The following FGD1 variants were observed in gnomAD, a reference collection of about 807,000 sequenced individuals.
FGD1 encodes the protein FYVE, RhoGEF and PH domain containing 1.
Under a neutral mutation model 65.0 loss-of-function variants are expected in FGD1, and 12 were observed. The observed-to-expected ratio is 0.18, with a 90% CI of 0.12 to 0.30. The LOEUF is 0.30. FGD1 is among the 10% of genes least tolerant of loss of function. The pLI is 1.00. For synonymous variants in FGD1, 333 were observed against 343.9 expected, an observed-to-expected ratio of 0.97 and a Z score of 0.35; for missense variants, 542 against 837.6, an observed-to-expected ratio of 0.65 and a Z score of 4.36.
In FGD1 at chrX:54,447,564, C is replaced by T. The variant is rs556768026; in HGVS notation, c.2437-110G>A. ...CTGCTATTCCTATCTCAGATGAAGA[C>T]GCTCAAGCTCAGGTGGCAGGAGTGA... On this transcript the variant is annotated intron_variant, in intron 16 of 17. Transcript: ENST00000375135. 28 of 831,375 alleles carry T rather than the reference C, an allele frequency of 3.4e-5. No homozygotes were observed. In the South Asian group the frequency reaches 4.0e-4, roughly 12 times the overall value. The allele number at this position is 831,375 out of a possible 1,213,427, so 68.5% of individuals were successfully genotyped here. A position where few individuals can be genotyped will look rare whatever the true frequency, so the allele number is the denominator to read the frequency against.
In FGD1 at chrX:54,446,208, G is replaced by A. The variant is rs370329532; in HGVS notation, c.2787C>T (p.Pro929=). 15 of 1,210,231 alleles carry A rather than the reference G, an allele frequency of 1.2e-5. No individual in the cohort carries two copies. The highest frequency in any genetic ancestry group is 1.6e-5 in the Non-Finnish European group (14 of 895,107). ...CCATCTCCCTGTCCTCAGACAGTGT[G>A]GGCCCCGGGCAGAACGTGTCCCCTC... ...AGRGDTFCPG[P]TLSEDREMEE... The change falls in exon 18 of 18, where the codon CCC becomes CCT. Residue 929 remains proline, a synonymous_variant. Transcript: ENST00000375135.
chrX:54,492,306 AC>A (rs1342002957), intron 1 of FGD1, among the ~76,000 whole-genome samples: 1 of 110,606 alleles, frequency 9.0e-6, no homozygotes, highest in African/African-American at 3.3e-5. Flanking sequence ...GCCTCCCCCC[AC>A]CCCCAGGATG....
chrX:54,477,091 G>A (rs7883123), intron 1 of FGD1, among the ~76,000 whole-genome samples: 17,874 of 112,109 alleles, frequency 0.16, 2,254 homozygotes, highest in African/African-American at 0.44. Context: ...CACCGTGCTC[G>A]GCACAACTGC....
intron 16 of FGD1, 93 bp from the exon 17 acceptor site, chrX:54,447,547 C>A: frequency 1.0e-6 from 1 of 953,349 alleles, no homozygotes; most frequent in South Asian, 2.1e-5. Flanking sequence ...GACTGCTATT[C>A]CTATCTCAGA....
At chrX:54,489,851 T>C (rs1023532227) in intron 1 of FGD1, among the ~76,000 whole-genome samples, 2 of 111,990 alleles carry the variant, frequency 1.8e-5, no homozygotes, top group African/African-American at 6.5e-5. Context: ...CAAAGAAGTA[T>C]AAATCGTTCT....
intron 12 of FGD1, among the ~76,000 whole-genome samples, 183 bp downstream of exon 12, chrX:54,455,265 C>A (rs1481125204): frequency 8.9e-6 from 1 of 112,352 alleles, no homozygotes; most frequent in Non-Finnish European, 1.9e-5. Flanking sequence ...GTGAAGTACT[C>A]ACCCTGAATC....
chrX:54,495,441 C>T lies in FGD1; in HGVS notation c.-9G>A. ...GCTCGGTGGCCATGCATGGTCCGGG[C>T]CTGGGCGCGGGGCCCGAGCTCCCCG... On this transcript the variant is annotated 5_prime_UTR_variant, in exon 1 of 18. Transcript: ENST00000375135. The T allele has an allele frequency of 1.0e-6, 1 of 979,718 alleles. No individual in the cohort carries two copies. Among genetic ancestry groups the T allele is most frequent in the Non-Finnish European group, 1.3e-6 (1 of 784,271 alleles). 80.7% of individuals were successfully genotyped at this position (979,718 alleles called of 1,213,427 possible). A position where few individuals can be genotyped will look rare whatever the true frequency, so the allele number is the denominator to read the frequency against.
rs778662629 is a variant in FGD1, at chrX:54,471,378, G to A, written c.417C>T (p.Pro139=). Residue 139 remains proline (P), a synonymous_variant, in exon 2 of 18, where the codon CCC becomes CCT. Transcript: ENST00000375135. ...GACGCTGGCTAGGGGTTTCAGTCGG[G>A]GGACCTGGGTCTGAGCGAAGCCGCT... ...GPQRLRSDPG[P]PTETPSQRPS... The A allele has an allele frequency of 1.2e-5, 14 of 1,209,918 alleles. No individual in the cohort carries two copies. The South Asian group carries it at 1.8e-4, about 15-fold the overall frequency.
chrX:54,462,010 G>C (rs1047072815), intron 8 of FGD1, among the ~76,000 whole-genome samples: 3 of 111,071 alleles, frequency 2.7e-5, no homozygotes, highest in Non-Finnish European at 5.7e-5. Flanking sequence ...GAGTATTCCA[G>C]GTGGGAAGAG....
Position 54,482,236 on chromosome X carries a change from G to GTGCACACACACACACACACACA in FGD1, c.308-10750_308-10749insTGTGTGTGTGTGTGTGTGTGCA, listed in dbSNP as rs1923161995. ...CAGGCACATGCGCGCGCACACGCGC[G>GTGCACACACACACACACACACA]CACACACACACACACACACACACAC... On this transcript the variant is annotated intron_variant, in intron 1 of 17. Transcript: ENST00000375135. 3.0e-5 allele frequency among the ~76,000 whole-genome samples: 3 copies of GTGCACACACACACACACACACA among 99,367 alleles called. No individual in the cohort carries two copies. In the Admixed American group the frequency reaches 3.2e-4, roughly 11 times the overall value. The allele number at this position is 99,367 out of a possible 115,157, so 86.3% of individuals were successfully genotyped here. A position where few individuals can be genotyped will look rare whatever the true frequency, so the allele number is the denominator to read the frequency against.
At chrX:54,467,724 G>T (rs1337596145) in intron 6 of FGD1, 60 bp downstream of exon 6, 6 of 1,113,978 alleles carry the variant, frequency 5.4e-6, no homozygotes, top group Non-Finnish European at 7.3e-6. Flanking sequence ...ACACCTCTGG[G>T]TCTGGGCTCG....
chrX:54,466,935 G>C (rs1247831853), intron 6 of FGD1, among the ~76,000 whole-genome samples: 1 of 109,759 alleles, frequency 9.1e-6, no homozygotes, highest in Non-Finnish European at 1.9e-5. Flanking sequence ...ATTTTTAGTA[G>C]AGACGGGATT....
At chrX:54,455,284 G>A (rs955779841) in intron 12 of FGD1, among the ~76,000 whole-genome samples, 164 bp downstream of exon 12, 2 of 112,300 alleles carry the variant, frequency 1.8e-5, no homozygotes, top group African/African-American at 6.5e-5. Flanking sequence ...TCTAAATGGT[G>A]TCTAACCCTT....
chrX:54,482,408 C>A (rs927703005), intron 1 of FGD1, among the ~76,000 whole-genome samples: 1 of 112,059 alleles, frequency 8.9e-6, no homozygotes, highest in Admixed American at 9.4e-5. Flanking sequence ...CCACCCCCGC[C>A]CATCTCCCTC....
chrX:54,447,267 C>T (rs1413125420), intron 17 of FGD1, 44 bp downstream of exon 17: 2 of 1,203,255 alleles, frequency 1.7e-6, no homozygotes, highest in South Asian at 1.8e-5. Flanking sequence ...CTGGATCTGG[C>T]TTTGCCAGGT....
rs944679214 is a variant in FGD1 at position 54,454,219 on chromosome X, C to T, written c.2015+1229G>A. Among the ~76,000 whole-genome samples the T allele has an allele frequency of 3.6e-5, 4 of 111,845 alleles. No individual in the cohort carries two copies. In the East Asian group the frequency reaches 1.1e-3, roughly 31 times the overall value. On this transcript the variant is annotated intron_variant, in intron 12 of 17. Transcript: ENST00000375135. Reference sequence around the variant, plus strand: ...CTAGTACACTAGATGGTCTAGCCTACGACACACCTAGGCTATAAGGTACAG... The same window carrying T: ...CTAGTACACTAGATGGTCTAGCCTATGACACACCTAGGCTATAAGGTACAG...
intron 1 of FGD1, among the ~76,000 whole-genome samples, chrX:54,482,388 G>A (rs1474248070): frequency 1.8e-5 from 2 of 112,020 alleles, no homozygotes; most frequent in Non-Finnish European, 3.8e-5. Context: ...GAGGATAGGG[G>A]GCGGTAGCTC....
chrX:54,492,558 CT>C (rs1229455145), intron 1 of FGD1, among the ~76,000 whole-genome samples: 4 of 112,336 alleles, frequency 3.6e-5, no homozygotes, highest in African/African-American at 1.3e-4. Flanking sequence ...GTGCCTACCC[CT>C]GGGCCGGCTG....
At chrX:54,473,988 A>AT (rs1346104345) in intron 1 of FGD1, among the ~76,000 whole-genome samples, 213 of 107,234 alleles carry the variant, frequency 2.0e-3, no homozygotes, top group Non-Finnish European at 3.2e-3. Context: ...TCAAAAAAAA[A>AT]ATATATATAT....
Sources: gnomAD v4.1 joint callset for allele counts (sites outside exome capture counted in the v4.1 genomes callset) on GRCh38, gnomAD v4.1.1 for gene constraint, MANE v1.5 for transcripts, NCBI Gene and HGNC (gene_info 2026-07-23, HGNC 2026-07-21) for gene names.